Variants in ELFN2 observed in about 807,000 individuals in gnomAD.
The protein encoded by ELFN2 is protein phosphatase 1 regulatory subunit 29.
Under a neutral mutation model 45.5 loss-of-function variants are expected in ELFN2, and 17 were observed. The observed-to-expected ratio is 0.37, with a 90% CI of 0.26 to 0.56. ELFN2 has a LOEUF of 0.56. Among genes scored for constraint, ELFN2 ranks in the 20% least tolerant of loss-of-function variants. The pLI is 0.77. For synonymous variants in ELFN2, 550 were observed against 551.5 expected, an observed-to-expected ratio of 1.00 and a Z score of 0.04; for missense variants, 922 against 1,183.2, an observed-to-expected ratio of 0.78 and a Z score of 3.24.
At chr22:37,398,371 C>G (rs1388832354) in intron 2 of ELFN2, among the ~76,000 whole-genome samples, 2 of 152,124 alleles carry the variant, frequency 1.3e-5, no homozygotes, top group Non-Finnish European at 2.9e-5. Context: ...TGCCGTGCCT[C>G]TCCTTCCACT....
Position 37,401,634 on chromosome 22 carries a change from T to A in ELFN2, c.-463+16135A>T, listed in dbSNP as rs985900069. On this transcript the variant is annotated intron_variant, in intron 2 of 2. Coordinates refer to ENST00000402918, the MANE Select transcript of ELFN2 (RefSeq NM_052906.5). ...CACTAGAAACAGCCCAAACAAACCA[T>A]CCCTGCACAGGAGCTGCCTAATGCG... Among the ~76,000 whole-genome samples the A allele has an allele frequency of 3.3e-5, 5 of 152,122 alleles. No individual in the cohort carries two copies. The East Asian group carries it at 9.7e-4, about 29-fold the overall frequency.
intron 1 of ELFN2, among the ~76,000 whole-genome samples, chr22:37,352,794 G>A (rs1006682528): frequency 2.4e-4 from 36 of 150,868 alleles, no homozygotes; most frequent in African/African-American, 8.7e-4. Flanking sequence ...GAAGGAGTTT[G>A]TGATGCATTC....
chr22:37,345,483 C>G (rs928196122), intron 1 of ELFN2, among the ~76,000 whole-genome samples: 14 of 152,170 alleles, frequency 9.2e-5, no homozygotes, highest in African/African-American at 3.4e-4. Flanking sequence ...GCTCCACAGC[C>G]CTGAGGCACA....
intron 1 of ELFN2, 41 bp downstream of exon 1, chr22:37,427,253 CCGGT>C (rs3041622): frequency 0.65 from 97,897 of 151,446 alleles, 32,810 homozygotes; most frequent in African/African-American, 0.83. Flanking sequence ...CACCGTCTCC[CCGGT>C]CGGTCGGTCG....
Position 37,419,859 on chromosome 22 carries a change from C to G in ELFN2, c.-613-1940G>C, listed in dbSNP as rs574009637. 2.4e-4 allele frequency among the ~76,000 whole-genome samples: 36 copies of G among 152,298 alleles called. 1 individual carries two copies. In the South Asian group the frequency reaches 7.5e-3, roughly 32 times the overall value. On this transcript the variant is annotated intron_variant, in intron 1 of 2. Coordinates refer to ENST00000402918, the MANE Select transcript of ELFN2 (RefSeq NM_052906.5). ...CACACACACCCCCTCGCCAGCAACT[C>G]GCCGGGTCCTGGCTCCGGTCGCCCC...
At chr22:37,405,838 G>C (rs1403636803) in intron 2 of ELFN2, among the ~76,000 whole-genome samples, 2 of 147,054 alleles carry the variant, frequency 1.4e-5, no homozygotes, top group African/African-American at 5.2e-5. Flanking sequence ...AAAAAAGGGT[G>C]GAGGGGGGGT....
chr22:37,412,909 G>A (rs905934725), intron 2 of ELFN2, among the ~76,000 whole-genome samples: 1 of 152,146 alleles, frequency 6.6e-6, no homozygotes, highest in Admixed American at 6.5e-5. Flanking sequence ...CCTGGGCCAG[G>A]CACCCCTAAC....
chr22:37,418,684 C>A (rs1302446468), intron 1 of ELFN2, among the ~76,000 whole-genome samples: 1 of 151,922 alleles, frequency 6.6e-6, no homozygotes, highest in African/African-American at 2.4e-5. Flanking sequence ...CCAACCCCAT[C>A]GTCAGCCGGG....
intron 1 of ELFN2, among the ~76,000 whole-genome samples, chr22:37,349,720 C>G (rs1003237228): frequency 6.6e-6 from 1 of 151,146 alleles, no homozygotes; most frequent in African/African-American, 2.4e-5. Context: ...ACCCTCACCA[C>G]CATCATCTTA....
rs150726859 is a variant in ELFN2 at position 37,378,206 on chromosome 22, T to C, written c.-462-2210A>G. Among the ~76,000 whole-genome samples, 132 of 152,258 alleles carry C rather than the reference T, an allele frequency of 8.7e-4. No individual in the cohort carries two copies. The Middle Eastern group carries it at 0.01, about 12-fold the overall frequency. ...CATCAGCTTCGGGGGCATGTGCTTG[T>C]GTGTGCAGGGGCAGGAAGGTATGTG... On this transcript the variant is annotated intron_variant, in intron 2 of 2. Coordinates refer to ENST00000402918, the MANE Select transcript of ELFN2 (RefSeq NM_052906.5).
intron 1 of ELFN2, among the ~76,000 whole-genome samples, chr22:37,357,854 T>G (rs368572417): frequency 3.9e-5 from 6 of 152,284 alleles, no homozygotes; most frequent in African/African-American, 4.8e-5. Flanking sequence ...GTTGACAAAC[T>G]CTGTACTGTC....
chr22:37,352,667 C>T (rs1222498667), intron 1 of ELFN2, among the ~76,000 whole-genome samples: 1 of 150,510 alleles, frequency 6.6e-6, no homozygotes, highest in Non-Finnish European at 1.5e-5. Context: ...TGCAAAGGCC[C>T]TGAGGCTGGA....
At position 37,357,996 on chromosome 22, in the gene ELFN2, C is replaced by T. The variant is rs112938072; in HGVS notation, n.149-15293G>A. 5.4e-3 allele frequency among the ~76,000 whole-genome samples: 816 copies of T among 152,312 alleles called. 2 individuals are homozygous for T. Among genetic ancestry groups the T allele is most frequent in the Middle Eastern group, 0.01 (3 of 294 alleles). ...CAGGAGAAAAAGCCCCATTTTCTCA[C>T]TCATCCCTTGCGTGGCAGGGATTCC... is the stretch of plus-strand genomic sequence containing the variant. On this transcript the variant is annotated intron_variant and non_coding_transcript_variant, in intron 1 of 2. Transcript: ENST00000452946.
intron 2 of ELFN2, among the ~76,000 whole-genome samples, chr22:37,405,089 C>CTTTG (rs1491573989): frequency 1.6e-5 from 2 of 121,534 alleles, no homozygotes; most frequent in Admixed American, 8.8e-5. Context: ...TGAACCTCAG[C>CTTTG]ATTTTTTTTT....
chr22:37,412,545 T>A (rs1569143402), intron 2 of ELFN2, among the ~76,000 whole-genome samples: 1 of 151,894 alleles, frequency 6.6e-6, no homozygotes, highest in Admixed American at 6.5e-5. Flanking sequence ...CCTCAGCCCC[T>A]CCTCTCCCTT....
Position 37,345,665 on chromosome 22 carries a change from A to T in ELFN2, n.149-2962T>A, listed in dbSNP as rs1311752419. On this transcript the variant is annotated intron_variant and non_coding_transcript_variant, in intron 1 of 2. Coordinates refer to ENST00000452946, the Ensembl canonical transcript of ELFN2. ...CAGGTTCAAGCAATTCTCCTGCCTC[A>T]GCCTCCGGAGTAGCTGGGACTAGAG... Among the ~76,000 whole-genome samples the T allele has an allele frequency of 2.0e-5, 3 of 150,896 alleles. No homozygotes were observed. The East Asian group carries it at 5.9e-4, about 30-fold the overall frequency.
intron 2 of ELFN2, among the ~76,000 whole-genome samples, chr22:37,409,993 G>C (rs2145680651): frequency 6.6e-6 from 1 of 152,234 alleles, no homozygotes; most frequent in South Asian, 2.1e-4. Flanking sequence ...AGTTCCCCAG[G>C]TATAAGGGGG....
At chr22:37,394,875 C>T (rs955582593) in intron 2 of ELFN2, among the ~76,000 whole-genome samples, 1 of 152,026 alleles carries the variant, frequency 6.6e-6, no homozygotes, top group African/African-American at 2.4e-5. Flanking sequence ...GAGGCCGAGG[C>T]GGGCGGATCA....
chr22:37,398,793 T>C (rs1369940692), intron 2 of ELFN2, among the ~76,000 whole-genome samples: 1 of 152,002 alleles, frequency 6.6e-6, no homozygotes, highest in Non-Finnish European at 1.5e-5. Flanking sequence ...TGTGCACACA[T>C]GTACACCTCT....
Sources: gnomAD v4.1 joint callset for allele counts (sites outside exome capture counted in the v4.1 genomes callset) on GRCh38, gnomAD v4.1.1 for gene constraint, MANE v1.5 for transcripts, NCBI Gene and HGNC (gene_info 2026-07-23, HGNC 2026-07-21) for gene names.